Variants in C2orf42 observed in about 807,000 individuals in gnomAD.
C2orf42 encodes uncharacterized protein C2orf42.
Under a neutral mutation model 58.9 loss-of-function variants are expected in C2orf42, and 44 were observed. That is an observed-to-expected ratio of 0.75 (90% CI 0.59 to 0.96). The LOEUF is 0.96. C2orf42 is among the 40% of genes least tolerant of loss of function. The pLI is 0.00. For synonymous variants in C2orf42, 239 were observed against 265.4 expected, an observed-to-expected ratio of 0.90 and a Z score of 0.97; for missense variants, 630 against 699.2, an observed-to-expected ratio of 0.90 and a Z score of 1.12.
At chr2:70,175,329 C>T (rs1240717311) in intron 5 of C2orf42, among the ~76,000 whole-genome samples, 1 of 152,176 alleles carries the variant, frequency 6.6e-6, no homozygotes, top group Non-Finnish European at 1.5e-5. Context: ...CCCCTTCCAC[C>T]TTTCCTCCCT....
chr2:70,175,858 CAT>C (rs1674157444), intron 4 of C2orf42, 81 bp from the exon 5 acceptor site: 1 of 880,838 alleles, frequency 1.1e-6, no homozygotes, highest in Non-Finnish European at 1.9e-6. Context: ...GAGTCTAAAA[CAT>C]ATAAACAGTC....
chr2:70,171,464 C>G lies in C2orf42; in HGVS notation c.1040-1803G>C, dbSNP rs77021815. Among the ~76,000 whole-genome samples, 1,427 of 152,170 alleles carry G rather than the reference C, an allele frequency of 9.4e-3. 29 individuals carry two copies. Among genetic ancestry groups the G allele is most frequent in the African/African-American group, 0.032 (1,329 of 41,506 alleles). ...CGCACTGTGGGTTGCAATGATAATACCTTTAGACTTAAAACCTAAAACCTT... is the reference window on the plus strand; with the variant it reads ...CGCACTGTGGGTTGCAATGATAATAGCTTTAGACTTAAAACCTAAAACCTT... On this transcript the variant is annotated intron_variant, in intron 5 of 9. Coordinates refer to ENST00000264434, the MANE Select transcript of C2orf42 (RefSeq NM_017880.3).
chr2:70,180,380 G>A (rs1239584839), intron 3 of C2orf42, among the ~76,000 whole-genome samples: 1 of 151,666 alleles, frequency 6.6e-6, no homozygotes, highest in Non-Finnish European at 1.5e-5. Flanking sequence ...GGCTGAGGCA[G>A]GCAGATCACC....
Position 70,181,948 on chromosome 2 carries a change from A to C in C2orf42, c.38T>G (p.Phe13Cys). ...PNSLRTKVPA[F>C]LSDLGKATLR... The stretch of plus-strand genomic sequence containing the variant: ...TGTGGCCTTCCCCAAATCAGATAAG[A>C]AAGCTGGGACTTTAGTCCTCAGAGA... Residue 13 changes from phenylalanine (F) to cysteine (C), a missense_variant, in exon 3 of 10, where the codon TTC becomes TGC. By Grantham distance (205) the Phe-to-Cys change is radical. Coordinates refer to ENST00000264434, the MANE Select transcript of C2orf42 (RefSeq NM_017880.3). The C allele has an allele frequency of 3.7e-6, 6 of 1,613,558 alleles. No individual in the cohort carries two copies. The highest frequency in any genetic ancestry group is 4.2e-6 in the Non-Finnish European group (5 of 1,179,672).
chr2:70,156,973 T>C (rs1199296890), intron 9 of C2orf42, among the ~76,000 whole-genome samples: 6 of 152,200 alleles, frequency 3.9e-5, no homozygotes, highest in Non-Finnish European at 7.3e-5. Flanking sequence ...TATTTTTACA[T>C]TGATAACATA....
intron 5 of C2orf42, among the ~76,000 whole-genome samples, chr2:70,173,981 T>C (rs946775354): frequency 2.0e-5 from 3 of 152,114 alleles, no homozygotes; most frequent in African/African-American, 7.2e-5. Context: ...GCAAGACACC[T>C]GCTGCTAAAC....
At chr2:70,170,181 GA>G (rs11357432) in intron 5 of C2orf42, among the ~76,000 whole-genome samples, 23,487 of 115,062 alleles carry the variant, frequency 0.2, 3,226 homozygotes, top group African/African-American at 0.4. Flanking sequence ...AGTTTGTCCA[GA>G]AAAAAAAAAA....
At position 70,182,851 on chromosome 2, in the gene C2orf42, T is replaced by C. The variant is rs1451889089; in HGVS notation, c.-197A>G. 1 of 152,206 alleles carries C rather than the reference T, an allele frequency of 6.6e-6. No homozygotes were observed. The highest frequency in any genetic ancestry group is 1.5e-5 in the Non-Finnish European group (1 of 68,032). 9.4% of individuals were successfully genotyped at this position (152,206 alleles called of 1,614,324 possible). ...GTAACAATGCAGACATTCTGCCTCC[T>C]CCTTCTCCACCAGCCAATGGCAAAG... On this transcript the variant is annotated 5_prime_UTR_variant, in exon 2 of 10. Coordinates refer to ENST00000264434, the MANE Select transcript of C2orf42 (RefSeq NM_017880.3).
intron 6 of C2orf42, among the ~76,000 whole-genome samples, chr2:70,169,142 TG>T (rs1345162913): frequency 6.6e-6 from 1 of 152,034 alleles, no homozygotes; most frequent in Admixed American, 6.6e-5. Context: ...TTTGTAGAGA[TG>T]GGGTTCACTA....
intron 5 of C2orf42, among the ~76,000 whole-genome samples, chr2:70,172,443 C>T (rs1256615876): frequency 4.6e-5 from 7 of 151,380 alleles, no homozygotes; most frequent in Non-Finnish European, 7.4e-5. Context: ...TTTGGGAGGC[C>T]GAGGCGGGTG....
At chr2:70,168,754 C>T (rs1303111903) in intron 6 of C2orf42, among the ~76,000 whole-genome samples, 1 of 151,476 alleles carries the variant, frequency 6.6e-6, no homozygotes, top group East Asian at 1.9e-4. Flanking sequence ...TCACTGTTGC[C>T]CAGGCTGGAG....
intron 8 of C2orf42, among the ~76,000 whole-genome samples, chr2:70,164,351 A>T (rs1030568032): frequency 6.6e-6 from 1 of 151,622 alleles, no homozygotes; most frequent in Non-Finnish European, 1.5e-5. Context: ...TTTTTTTTAA[A>T]GGGTCATTTC....
chr2:70,183,862 G>A (rs1197514407), intron 1 of C2orf42, among the ~76,000 whole-genome samples: 1 of 152,064 alleles, frequency 6.6e-6, no homozygotes, highest in Non-Finnish European at 1.5e-5. Flanking sequence ...CTGGAGTGCA[G>A]TGGTGTGATC....
chr2:70,189,406 C>CAAAATAAAAAAAAAAAAAAAAAAAA (rs1675173700), intron 1 of C2orf42, among the ~76,000 whole-genome samples: 1 of 27,126 alleles, frequency 3.7e-5, no homozygotes, highest in African/African-American at 9.5e-5. Context: ...AACTCCATCT[C>CAAAATAAAAAAAAAAAAAAAAAAAA]AAAAAAAAAA....
chr2:70,154,222 G>A (rs1323549414), intron 9 of C2orf42, among the ~76,000 whole-genome samples: 3 of 151,446 alleles, frequency 2.0e-5, no homozygotes, highest in African/African-American at 7.3e-5. Context: ...AAAGGAAGAC[G>A]AACAAGAAAA....
Position 70,181,272 on chromosome 2 carries a change from C to A in C2orf42, c.714G>T (p.Lys238Asn). 6.2e-7 allele frequency: 1 copy of A among 1,613,678 alleles called. No homozygotes were observed. Among genetic ancestry groups the A allele is most frequent in the South Asian group, 1.1e-5 (1 of 91,072 alleles). The change falls in exon 3 of 10, where the codon AAG (lysine) becomes AAT (asparagine). Residue 238 changes from lysine (K) to asparagine (N), a missense_variant. Coordinates refer to ENST00000264434, the MANE Select transcript of C2orf42 (RefSeq NM_017880.3). ...GAATGCATCTCTGGGCTGTCTCATC[C>A]TTGGAGGCATTTGACTTGTGCGATT... ...TLKSHKSNAS[K>N]DETAQRCIHF...
chr2:70,168,057 A>G (rs904562623), intron 6 of C2orf42, among the ~76,000 whole-genome samples: 18 of 151,656 alleles, frequency 1.2e-4, no homozygotes, highest in African/African-American at 3.9e-4. Context: ...ACATGGTGAA[A>G]CCCCATCTCT....
intron 5 of C2orf42, among the ~76,000 whole-genome samples, chr2:70,174,595 C>T (rs1021417251): frequency 1.3e-5 from 2 of 152,014 alleles, no homozygotes; most frequent in Non-Finnish European, 2.9e-5. Context: ...ACACCACAGT[C>T]AAGACATAAA....
intron 3 of C2orf42, among the ~76,000 whole-genome samples, chr2:70,179,871 C>G (rs1466923174): frequency 1.3e-5 from 2 of 151,706 alleles, no homozygotes; most frequent in African/African-American, 2.4e-5. Context: ...CCAGGAGGGT[C>G]AAGGCTGTAA....
Sources: gnomAD v4.1 joint callset for allele counts (sites outside exome capture counted in the v4.1 genomes callset) on GRCh38, gnomAD v4.1.1 for gene constraint, MANE v1.5 for transcripts, NCBI Gene and HGNC (gene_info 2026-07-23, HGNC 2026-07-21) for gene names.